Variants in PRKCE observed in about 807,000 individuals in gnomAD.
PRKCE encodes protein kinase C epsilon type.
A neutral mutation model predicts 85.4 loss-of-function variants in PRKCE; 16 were observed. The ratio of observed to expected loss-of-function variants is 0.19; its 90% CI spans 0.13 to 0.28. The LOEUF is 0.28. Ranked by LOEUF, PRKCE falls within the 10% of genes least tolerant of loss-of-function variation. The probability of loss-of-function intolerance (pLI) is 1.00; values close to 1 mark genes in which losing one functional copy is unlikely to be tolerated. For missense variants in PRKCE, 573 were observed against 975.2 expected, an observed-to-expected ratio of 0.59 and a Z score of 5.49; for synonymous variants, 388 against 371.5, an observed-to-expected ratio of 1.04 and a Z score of -0.51.
chr2:45,655,726 C>T (rs1451598628), intron 1 of PRKCE, among the ~76,000 whole-genome samples: 2 of 151,724 alleles, frequency 1.3e-5, no homozygotes, highest in Non-Finnish European at 2.9e-5. Context: ...GTCCCAGCTA[C>T]TCAGGAGGCC....
chr2:45,767,262 GTTC>G (rs1333904805), intron 1 of PRKCE, among the ~76,000 whole-genome samples: 1 of 151,730 alleles, frequency 6.6e-6, no homozygotes, highest in Non-Finnish European at 1.5e-5. Flanking sequence ...ATACATTGAT[GTTC>G]TTTGAAACTT....
At chr2:46,154,024 A>T (rs574180484) in intron 13 of PRKCE, among the ~76,000 whole-genome samples, 15 of 151,918 alleles carry the variant, frequency 9.9e-5, no homozygotes, top group African/African-American at 3.6e-4. Context: ...TGACCTCGTG[A>T]TCCGCCCGCC....
chr2:46,049,168 C>T (rs914865527), intron 10 of PRKCE, among the ~76,000 whole-genome samples: 1 of 152,022 alleles, frequency 6.6e-6, no homozygotes, highest in Non-Finnish European at 1.5e-5. Context: ...CAAGATTGTC[C>T]GGGCCCATTT....
chr2:46,120,647 C>T (rs1331190101), intron 11 of PRKCE, among the ~76,000 whole-genome samples: 2 of 152,116 alleles, frequency 1.3e-5, no homozygotes, highest in Non-Finnish European at 2.9e-5. Flanking sequence ...ATGATGTAGG[C>T]TTTTTTAACT....
intron 10 of PRKCE, among the ~76,000 whole-genome samples, chr2:46,084,617 G>T (rs1475587253): frequency 1.3e-5 from 2 of 151,446 alleles, no homozygotes; most frequent in Non-Finnish European, 2.9e-5. Flanking sequence ...AGCTACTCAG[G>T]AGTCTGAGGC....
intron 10 of PRKCE, among the ~76,000 whole-genome samples, chr2:46,085,429 TG>T (rs1393169497): frequency 6.6e-6 from 1 of 152,216 alleles, no homozygotes; most frequent in Admixed American, 6.5e-5. Flanking sequence ...ATGTATTCTC[TG>T]GCAGTTCTGG....
chr2:46,025,334 C>T (rs1205969618), intron 10 of PRKCE, among the ~76,000 whole-genome samples: 1 of 152,176 alleles, frequency 6.6e-6, no homozygotes, highest in African/African-American at 2.4e-5. Context: ...AAGTGTTCTG[C>T]TTCAGTATAC....
At chr2:46,094,036 ACT>A (rs1470788906) in intron 11 of PRKCE, among the ~76,000 whole-genome samples, 1 of 151,978 alleles carries the variant, frequency 6.6e-6, no homozygotes, top group East Asian at 1.9e-4. Flanking sequence ...TCAACCACAA[ACT>A]CTCTACAAAC....
intron 2 of PRKCE, among the ~76,000 whole-genome samples, chr2:45,970,545 A>C (rs926740232): frequency 6.6e-6 from 1 of 152,186 alleles, no homozygotes; most frequent in East Asian, 1.9e-4. Context: ...ACATTTATGT[A>C]TCTAGAACAG....
chr2:45,861,223 A>T (rs894694352), intron 2 of PRKCE, among the ~76,000 whole-genome samples: 1 of 152,128 alleles, frequency 6.6e-6, no homozygotes, highest in African/African-American at 2.4e-5. Context: ...GGTGGGCTTG[A>T]GGCTAGAGAC....
chr2:46,183,634 C>A (rs1680211935), intron 14 of PRKCE, among the ~76,000 whole-genome samples: 3 of 152,196 alleles, frequency 2.0e-5, no homozygotes, highest in Non-Finnish European at 2.9e-5. Context: ...CCGCACTCTG[C>A]CCCTGCAGCT....
intron 1 of PRKCE, among the ~76,000 whole-genome samples, chr2:45,724,931 G>C (rs1011322324): frequency 2.0e-5 from 3 of 152,226 alleles, no homozygotes; most frequent in African/African-American, 4.8e-5. Context: ...AGCTGCAGCA[G>C]GTTACCCAGA....
intron 1 of PRKCE, among the ~76,000 whole-genome samples, chr2:45,804,178 GC>G (rs1172684497): frequency 6.6e-6 from 1 of 152,248 alleles, no homozygotes; most frequent in African/African-American, 2.4e-5. Context: ...TGATGCCACA[GC>G]CAGTGGGAGC....
intron 10 of PRKCE, among the ~76,000 whole-genome samples, chr2:46,031,490 G>A (rs1439305442): frequency 6.6e-6 from 1 of 151,978 alleles, no homozygotes; most frequent in African/African-American, 2.4e-5. Flanking sequence ...TACATACCAC[G>A]ACTAGCTATT....
At chr2:46,163,201 C>T (rs1677948038) in intron 14 of PRKCE, among the ~76,000 whole-genome samples, 1 of 152,228 alleles carries the variant, frequency 6.6e-6, no homozygotes, top group African/African-American at 2.4e-5. Context: ...AGATGGCCAC[C>T]CACAGAGGCC....
At chr2:46,057,915 G>A (rs72806751) in intron 10 of PRKCE, among the ~76,000 whole-genome samples, 6,827 of 152,272 alleles carry the variant, frequency 0.045, 232 homozygotes, top group Non-Finnish European at 0.069. Flanking sequence ...GCCATCCACA[G>A]TGATTCTTTC....
intron 11 of PRKCE, among the ~76,000 whole-genome samples, chr2:46,133,613 C>T (rs1325701259): frequency 6.6e-6 from 1 of 152,138 alleles, no homozygotes; most frequent in Admixed American, 6.6e-5. Flanking sequence ...AGACCCTGCC[C>T]ATCATTTCGT....
chr2:46,107,615 C>A (rs55931210), intron 11 of PRKCE, among the ~76,000 whole-genome samples: 46,924 of 152,080 alleles, frequency 0.31, 7,375 homozygotes, highest in South Asian at 0.41. Context: ...CTGTGCTTAG[C>A]TTGGTAAGAA....
intron 10 of PRKCE, among the ~76,000 whole-genome samples, chr2:46,076,364 T>C (rs1668560930): frequency 6.6e-6 from 1 of 152,234 alleles, no homozygotes; most frequent in Admixed American, 6.5e-5. Flanking sequence ...TTCTCTGATC[T>C]ATTGGACCAA....
Sources: gnomAD v4.1 joint callset for allele counts (sites outside exome capture counted in the v4.1 genomes callset) on GRCh38, gnomAD v4.1.1 for gene constraint, MANE v1.5 for transcripts, NCBI Gene and HGNC (gene_info 2026-07-23, HGNC 2026-07-21) for gene names.